ATRX: variants seen among roughly 807,000 people sequenced by gnomAD.
ATRX encodes the protein chromatin remodeler ATRX.
ATRX carries 12 observed loss-of-function variants against 172.6 expected under a neutral mutation model. That is an observed-to-expected ratio of 0.07 (90% CI 0.04 to 0.11). The LOEUF (loss-of-function observed/expected upper bound fraction) is 0.11. Ranked by LOEUF, ATRX falls within the 10% of genes least tolerant of loss-of-function variation. ATRX has a pLI of 1.00. For missense variants in ATRX, 1,368 were observed against 1,767.4 expected, an observed-to-expected ratio of 0.77 and a Z score of 4.05; for synonymous variants, 674 against 594.7, an observed-to-expected ratio of 1.13 and a Z score of -1.94.
intron 30 of ATRX, among the ~76,000 whole-genome samples, chrX:77,543,362 G>C (rs1057430181): frequency 2.7e-5 from 3 of 111,948 alleles, no homozygotes; most frequent in African/African-American, 9.8e-5. Flanking sequence ...GTTGGTGGGA[G>C]TGTAAATTAG....
intron 1 of ATRX, among the ~76,000 whole-genome samples, chrX:77,742,073 T>C (rs901835500): frequency 4.5e-5 from 5 of 111,300 alleles, no homozygotes; most frequent in Middle Eastern, 4.2e-3. Context: ...GTTTTGGGCA[T>C]AGGTAGTAAT....
chrX:77,646,414 A>G (rs2068918638), intron 15 of ATRX, among the ~76,000 whole-genome samples: 1 of 111,852 alleles, frequency 8.9e-6, no homozygotes. Flanking sequence ...CAAAAAATGT[A>G]ATTATAAACA....
At chrX:77,697,989 C>T (rs1338553643) in intron 3 of ATRX, among the ~76,000 whole-genome samples, 2 of 111,599 alleles carry the variant, frequency 1.8e-5, no homozygotes, top group Non-Finnish European at 3.8e-5. Context: ...GTAATCAGAT[C>T]TCAAGAGAAG....
At chrX:77,688,981 T>C in intron 6 of ATRX, 54 bp from the exon 7 acceptor site, 1 of 961,669 alleles carries the variant, frequency 1.0e-6, no homozygotes, top group Admixed American at 2.2e-5. Flanking sequence ...AAAAGATACT[T>C]ACTTTAGTCA....
chrX:77,755,591 CTT>C (rs1440689157), intron 1 of ATRX, among the ~76,000 whole-genome samples: 47 of 112,175 alleles, frequency 4.2e-4, no homozygotes, highest in Admixed American at 8.5e-4. Flanking sequence ...ACAGGCCCCT[CTT>C]ATGCAGGTCT....
chrX:77,539,922 A>G (rs905133092), intron 30 of ATRX, among the ~76,000 whole-genome samples: 3 of 111,860 alleles, frequency 2.7e-5, no homozygotes, highest in Non-Finnish European at 5.6e-5. Context: ...TGGGCAAAAT[A>G]ACCAGCTAGA....
In ATRX at chrX:77,745,362, T is replaced by A. The variant is rs2075028432; in HGVS notation, c.21-28119A>T. On this transcript the variant is annotated intron_variant, in intron 1 of 34. Coordinates refer to ENST00000373344, the MANE Select transcript of ATRX (RefSeq NM_000489.6). ...GAGTGTCCATCAACAGACGGACGAA[T>A]AAAGAAAATGTGTTACACATACACA... Among the ~76,000 whole-genome samples, 4 of 110,181 alleles carry A rather than the reference T, an allele frequency of 3.6e-5. No homozygotes were observed. In the Admixed American group the frequency reaches 3.9e-4, roughly 11 times the overall value.
At chrX:77,548,389 A>G (rs1030920343) in intron 30 of ATRX, among the ~76,000 whole-genome samples, 2 of 111,740 alleles carry the variant, frequency 1.8e-5, no homozygotes, top group Admixed American at 9.6e-5. Flanking sequence ...TTTATTAAAC[A>G]AAAAAATCCA....
intron 30 of ATRX, among the ~76,000 whole-genome samples, chrX:77,531,513 G>T (rs2063574831): frequency 1.8e-5 from 2 of 111,952 alleles, no homozygotes; most frequent in Non-Finnish European, 3.8e-5. Flanking sequence ...CACATAAACA[G>T]AACTAAACAC....
At position 77,585,583 on chromosome X, in the gene ATRX, C is replaced by CAAAAAAAAAAAAA; in HGVS notation, c.6217+4238_6217+4250dup. Among the ~76,000 whole-genome samples the CAAAAAAAAAAAAA allele has an allele frequency of 4.8e-3, 41 of 8,553 alleles. 16 individuals are homozygous for CAAAAAAAAAAAAA. Among genetic ancestry groups the CAAAAAAAAAAAAA allele is most frequent in the Admixed American group, 9.5e-3 (4 of 422 alleles). 7.4% of individuals were successfully genotyped at this position (8,553 alleles called of 115,157 possible). ...AGAGCAAGACCTTGTCTCCCCCCAC[C>CAAAAAAAAAAAAA]AAAAAAAAAAAAAAAAAAAAAAAAA... On this transcript the variant is annotated intron_variant, in intron 27 of 34. Coordinates refer to ENST00000373344, the MANE Select transcript of ATRX (RefSeq NM_000489.6).
At chrX:77,521,663 C>A in intron 32 of ATRX, 165 bp from the exon 33 acceptor site, 1 of 407,549 alleles carries the variant, frequency 2.5e-6, no homozygotes. Context: ...TAAACCATAT[C>A]AATGCTCAAA....
At chrX:77,542,451 G>C (rs930178324) in intron 30 of ATRX, among the ~76,000 whole-genome samples, 1 of 111,380 alleles carries the variant, frequency 9.0e-6, no homozygotes, top group Non-Finnish European at 1.9e-5. Flanking sequence ...TTTATTCACA[G>C]AATTGGAAAA....
chrX:77,754,801 G>A (rs781882145), intron 1 of ATRX, among the ~76,000 whole-genome samples: 3 of 111,240 alleles, frequency 2.7e-5, no homozygotes, highest in Non-Finnish European at 5.7e-5. Context: ...AGAATCTGAC[G>A]ATTATGTGTC....
intron 30 of ATRX, among the ~76,000 whole-genome samples, chrX:77,537,975 G>T (rs2063812290): frequency 9.0e-6 from 1 of 111,122 alleles, no homozygotes; most frequent in Non-Finnish European, 1.9e-5. Context: ...ATAAGTGGGA[G>T]CTGAATGATG....
chrX:77,626,916 A>C (rs1391851493), intron 19 of ATRX, among the ~76,000 whole-genome samples: 1 of 112,144 alleles, frequency 8.9e-6, no homozygotes, highest in Non-Finnish European at 1.9e-5. Flanking sequence ...GGATATCTGA[A>C]GAACTAGAAG....
intron 30 of ATRX, among the ~76,000 whole-genome samples, chrX:77,550,714 AC>A (rs1394295851): frequency 9.0e-6 from 1 of 110,894 alleles, no homozygotes; most frequent in Non-Finnish European, 1.9e-5. Context: ...TATCTAGAAA[AC>A]CCCATTGTCT....
chrX:77,590,461 A>C (rs1332808806), intron 26 of ATRX, among the ~76,000 whole-genome samples: 3 of 109,092 alleles, frequency 2.7e-5, no homozygotes, highest in Admixed American at 2.0e-4. Flanking sequence ...ATACAAAAAA[A>C]ATAAGCTGGG....
intron 10 of ATRX, among the ~76,000 whole-genome samples, chrX:77,665,468 TA>T (rs781958770): frequency 9.0e-6 from 1 of 111,139 alleles, no homozygotes; most frequent in African/African-American, 3.3e-5. Context: ...TGGGTTACTT[TA>T]AAAAAAATAG....
intron 1 of ATRX, among the ~76,000 whole-genome samples, chrX:77,757,643 G>A (rs1014193853): frequency 9.1e-6 from 1 of 110,185 alleles, no homozygotes; most frequent in East Asian, 2.8e-4. Flanking sequence ...CTTAAGAAAA[G>A]CCTGAAATTG....
Sources: gnomAD v4.1 joint callset for allele counts (sites outside exome capture counted in the v4.1 genomes callset) on GRCh38, gnomAD v4.1.1 for gene constraint, MANE v1.5 for transcripts, NCBI Gene and HGNC (gene_info 2026-07-23, HGNC 2026-07-21) for gene names.